The following GLIS3 variants were observed in gnomAD, a reference collection of about 807,000 sequenced individuals.
GLIS3 encodes the protein GLIS family zinc finger 3, also known as zinc finger protein GLIS3.
Under a neutral mutation model 78.6 loss-of-function variants are expected in GLIS3, and 53 were observed. That is an observed-to-expected ratio of 0.67 (90% CI 0.54 to 0.85). The LOEUF is 0.85. Among genes scored for constraint, GLIS3 ranks in the 40% least tolerant of loss-of-function variants. GLIS3 has a pLI of 0.00. For missense variants in GLIS3, 1,703 were observed against 1,231.1 expected, an observed-to-expected ratio of 1.38 and a Z score of -5.74; for synonymous variants, 684 against 509.9, an observed-to-expected ratio of 1.34 and a Z score of -4.60.
At chr9:4,190,926 C>G (rs551590514) in intron 2 of GLIS3, among the ~76,000 whole-genome samples, 2 of 152,032 alleles carry the variant, frequency 1.3e-5, no homozygotes, top group Non-Finnish European at 2.9e-5. Context: ...TCACATCCAG[C>G]CAAACTAAGC....
At chr9:4,350,740 T>C (rs879603864), upstream of GLIS3, among the ~76,000 whole-genome samples, 1 of 152,226 alleles carries the variant, frequency 6.6e-6, no homozygotes, top group Non-Finnish European at 1.5e-5. Flanking sequence ...GTGTCTCTGC[T>C]GCCTCTATGT....
intron 4 of GLIS3, among the ~76,000 whole-genome samples, chr9:3,953,171 G>A (rs189858909): frequency 1.3e-5 from 2 of 152,196 alleles, no homozygotes; most frequent in Admixed American, 1.3e-4. Flanking sequence ...CCCAATGAAA[G>A]ATTCACTTGC....
At chr9:4,259,819 A>G (rs1825339201) in intron 2 of GLIS3, among the ~76,000 whole-genome samples, 1 of 152,218 alleles carries the variant, frequency 6.6e-6, no homozygotes. Flanking sequence ...TTCTGGAATT[A>G]GATGCCATTT....
chr9:4,357,423 G>A, the GLIS3 span, among the ~76,000 whole-genome samples: 1 of 152,090 alleles, frequency 6.6e-6, no homozygotes. Context: ...CTTCAGTTTG[G>A]ACTAGATTTT....
At chr9:4,100,354 G>A (rs188016077) in intron 4 of GLIS3, among the ~76,000 whole-genome samples, 129 of 152,264 alleles carry the variant, frequency 8.5e-4, no homozygotes, top group African/African-American at 3.0e-3. Context: ...ATAACTTCTG[G>A]AAACATGAGA....
chr9:4,121,842 A>C (rs1586734667), intron 3 of GLIS3, among the ~76,000 whole-genome samples: 1 of 152,180 alleles, frequency 6.6e-6, no homozygotes, highest in African/African-American at 2.4e-5. Flanking sequence ...TGGGCACCCA[A>C]ATTTTCTGTT....
intron 6 of GLIS3, among the ~76,000 whole-genome samples, chr9:3,905,524 C>T (rs1823638135): frequency 6.6e-6 from 1 of 152,134 alleles, no homozygotes; most frequent in Non-Finnish European, 1.5e-5. Context: ...GCAGGTTTGT[C>T]ACTTGGTTGC....
chr9:4,405,704 T>A, the GLIS3 span, among the ~76,000 whole-genome samples: 13 of 151,890 alleles, frequency 8.6e-5, no homozygotes, highest in Admixed American at 8.5e-4. Context: ...GAGAAAATAA[T>A]TCCAAACTCA....
intron 2 of GLIS3, among the ~76,000 whole-genome samples, chr9:4,259,014 C>G (rs1041598184): frequency 6.6e-6 from 1 of 152,106 alleles, no homozygotes; most frequent in Non-Finnish European, 1.5e-5. Context: ...CGCCAATGGA[C>G]CCTTGTGGGT....
At chr9:4,153,442 T>C (rs1834829399) in intron 2 of GLIS3, among the ~76,000 whole-genome samples, 1 of 151,956 alleles carries the variant, frequency 6.6e-6, no homozygotes, top group African/African-American at 2.4e-5. Context: ...TGCACTCCTG[T>C]AATACCAGCT....
chr9:3,947,237 G>C (rs190616994), intron 4 of GLIS3, among the ~76,000 whole-genome samples: 159 of 152,336 alleles, frequency 1.0e-3, no homozygotes, highest in African/African-American at 3.8e-3. Flanking sequence ...GCCACTTCTT[G>C]CCTTCAGTTT....
At chr9:3,893,854 G>C (rs1822623732) in intron 7 of GLIS3, among the ~76,000 whole-genome samples, 1 of 152,152 alleles carries the variant, frequency 6.6e-6, no homozygotes, top group African/African-American at 2.4e-5. Flanking sequence ...AAGATTTCCA[G>C]GTGATTTGAT....
chr9:4,275,920 A>T (rs540909856), intron 2 of GLIS3, among the ~76,000 whole-genome samples: 1 of 152,166 alleles, frequency 6.6e-6, no homozygotes, highest in Non-Finnish European at 1.5e-5. Flanking sequence ...GAGATAATCA[A>T]TATGAAAGTT....
At chr9:4,380,462 C>T in the GLIS3 span, among the ~76,000 whole-genome samples, 1 of 152,098 alleles carries the variant, frequency 6.6e-6, no homozygotes, top group Non-Finnish European at 1.5e-5. Flanking sequence ...TTCAAAAGCA[C>T]CAAAGAAGAT....
chr9:4,039,651 C>T (rs1394433501), intron 4 of GLIS3, among the ~76,000 whole-genome samples: 4 of 152,134 alleles, frequency 2.6e-5, no homozygotes, highest in Admixed American at 6.5e-5. Context: ...AAAGCCTGAC[C>T]CAGAGCCTGC....
chr9:3,911,385 C>G lies in GLIS3; in HGVS notation c.1984-12550G>C, dbSNP rs115003044. Among the ~76,000 whole-genome samples the G allele has an allele frequency of 8.0e-3, 1,223 of 152,314 alleles. 18 individuals carry two copies. The highest frequency in any genetic ancestry group is 0.028 in the African/African-American group (1,156 of 41,558). On this transcript the variant is annotated intron_variant, in intron 6 of 10. Transcript: ENST00000381971. The stretch of plus-strand genomic sequence containing the variant: ...AAAGCTGCATTGCTGTTGAGTGGTA[C>G]AGAACCTCTTCTTGGCTACATTCAA...
rs550196284 is a variant in GLIS3, at chr9:4,277,095, A to G, written c.388+8943T>C. Reference sequence around the variant, plus strand: ...GTAATATATTAACTGCATCTCTTCAAAATTGCGGGACCCCAATCTCCACTA... The same window carrying G: ...GTAATATATTAACTGCATCTCTTCAGAATTGCGGGACCCCAATCTCCACTA... On this transcript the variant is annotated intron_variant, in intron 2 of 10. Transcript: ENST00000381971. Among the ~76,000 whole-genome samples the G allele has an allele frequency of 2.6e-5, 4 of 152,332 alleles. No homozygotes were observed. In the East Asian group the frequency reaches 5.8e-4, roughly 22 times the overall value.
chr9:4,343,738 A>C (rs1424281805), intron 2 of GLIS3, among the ~76,000 whole-genome samples: 1 of 152,216 alleles, frequency 6.6e-6, no homozygotes, highest in Non-Finnish European at 1.5e-5. Flanking sequence ...CAGCCATAAA[A>C]AAACAATGAG....
intron 2 of GLIS3, among the ~76,000 whole-genome samples, chr9:4,209,913 T>C (rs1820237410): frequency 6.6e-6 from 1 of 152,122 alleles, no homozygotes; most frequent in Admixed American, 6.5e-5. Context: ...AAAGAGGATC[T>C]GTGTACAAAC....
Sources: gnomAD v4.1 joint callset for allele counts (sites outside exome capture counted in the v4.1 genomes callset) on GRCh38, gnomAD v4.1.1 for gene constraint, MANE v1.5 for transcripts, NCBI Gene and HGNC (gene_info 2026-07-23, HGNC 2026-07-21) for gene names.